IL1RAPL1: variants seen among roughly 807,000 people sequenced by gnomAD.
The protein encoded by IL1RAPL1 is interleukin-1 receptor accessory protein-like 1.
In IL1RAPL1, 3 loss-of-function variants were observed where a neutral mutation model predicts 48.4. The ratio of observed to expected loss-of-function variants is 0.06; its 90% CI spans 0.03 to 0.16. IL1RAPL1 has a LOEUF of 0.16. IL1RAPL1 is among the 10% of genes least tolerant of loss of function. IL1RAPL1 has a pLI of 1.00. For missense variants in IL1RAPL1, 349 were observed against 530.6 expected, an observed-to-expected ratio of 0.66 and a Z score of 3.36; for synonymous variants, 185 against 187.7, an observed-to-expected ratio of 0.99 and a Z score of 0.12.
intron 6 of IL1RAPL1, among the ~76,000 whole-genome samples, chrX:29,733,262 C>G (rs1488828467): frequency 8.9e-6 from 1 of 112,101 alleles, no homozygotes; most frequent in African/African-American, 3.2e-5. Flanking sequence ...TCTTCTTGGA[C>G]TTTTTTCCCT....
intron 2 of IL1RAPL1, among the ~76,000 whole-genome samples, chrX:28,985,825 A>C (rs1254731385): frequency 9.2e-6 from 1 of 108,669 alleles, no homozygotes; most frequent in Admixed American, 9.7e-5. Context: ...TCGCCCGGCT[A>C]ATTTTTTGTA....
At chrX:29,350,280 C>G (rs377266869) in intron 3 of IL1RAPL1, among the ~76,000 whole-genome samples, 2 of 88,065 alleles carry the variant, frequency 2.3e-5, no homozygotes, top group African/African-American at 4.7e-5. Flanking sequence ...CTCATAGACA[C>G]ACTGCCACCA....
rs193124751 is a variant in IL1RAPL1 at position 29,051,229 on chromosome X, G to A, written c.83-231709G>A. Among the ~76,000 whole-genome samples, 30 of 111,090 alleles carry A rather than the reference G, an allele frequency of 2.7e-4. No homozygotes were observed. The East Asian group carries it at 5.4e-3, about 20-fold the overall frequency. On this transcript the variant is annotated intron_variant, in intron 2 of 10. Transcript: ENST00000378993. ...CTTTGCCTGAAGTAAGAATATTGAG[G>A]GAAAATAAAAGCGTTATGAGATGTG... is the stretch of plus-strand genomic sequence containing the variant.
At chrX:29,436,275 A>G (rs965671038) in intron 5 of IL1RAPL1, among the ~76,000 whole-genome samples, 1 of 110,071 alleles carries the variant, frequency 9.1e-6, no homozygotes, top group Admixed American at 9.7e-5. Flanking sequence ...TATTATAGTA[A>G]TTTTCATCAC....
intron 2 of IL1RAPL1, among the ~76,000 whole-genome samples, chrX:28,944,420 G>T (rs949389306): frequency 9.0e-6 from 1 of 110,890 alleles, no homozygotes; most frequent in Admixed American, 9.7e-5. Flanking sequence ...TATCCACTGG[G>T]TATGCAGTTG....
intron 3 of IL1RAPL1, among the ~76,000 whole-genome samples, chrX:29,312,863 C>A (rs4893612): frequency 5.7e-4 from 62 of 109,491 alleles, no homozygotes; most frequent in African/African-American, 2.1e-3. Context: ...CACGAGATCT[C>A]ATGGTTTCAT....
chrX:28,984,497 C>T (rs542594518), intron 2 of IL1RAPL1, among the ~76,000 whole-genome samples: 64 of 111,992 alleles, frequency 5.7e-4, no homozygotes, highest in Middle Eastern at 9.3e-3. Context: ...GTTTTGCAAG[C>T]GTGTCAAAAT....
chrX:28,588,199 T>G (rs955121487), intron 1 of IL1RAPL1, among the ~76,000 whole-genome samples, 152 bp downstream of exon 1: 1 of 55,528 alleles, frequency 1.8e-5, no homozygotes, highest in Non-Finnish European at 3.2e-5. Flanking sequence ...CAGTTGGGTG[T>G]GTTGATATGT....
At chrX:29,450,223 A>G (rs1462062584) in intron 5 of IL1RAPL1, among the ~76,000 whole-genome samples, 2 of 112,196 alleles carry the variant, frequency 1.8e-5, no homozygotes, top group Non-Finnish European at 3.8e-5. Flanking sequence ...TATAATTTAT[A>G]TTTGAATACA....
chrX:28,827,527 C>T (rs1280282866), intron 2 of IL1RAPL1, among the ~76,000 whole-genome samples: 7 of 111,260 alleles, frequency 6.3e-5, no homozygotes, highest in Middle Eastern at 4.3e-3. Context: ...AAAAAGAACC[C>T]CCAATTGTCT....
At chrX:29,124,642 C>G (rs1259332838) in intron 2 of IL1RAPL1, among the ~76,000 whole-genome samples, 1 of 111,824 alleles carries the variant, frequency 8.9e-6, no homozygotes, top group African/African-American at 3.3e-5. Flanking sequence ...AATTGTTAGT[C>G]TTATAAAATG....
In IL1RAPL1 at chrX:29,886,850, T is replaced by C. The variant is rs763398001; in HGVS notation, c.779-30614T>C. Among the ~76,000 whole-genome samples the C allele has an allele frequency of 3.6e-5, 4 of 112,163 alleles. No homozygotes were observed. In the South Asian group the frequency reaches 1.5e-3, roughly 41 times the overall value. ...TTGCAGAAGCCTATCATACAAAATA[T>C]AAACCATGAAATAAAATTTTTATGA... On this transcript the variant is annotated intron_variant, in intron 6 of 10. Transcript: ENST00000378993.
chrX:28,842,326 C>A (rs1240941780), intron 2 of IL1RAPL1, among the ~76,000 whole-genome samples: 1 of 110,649 alleles, frequency 9.0e-6, no homozygotes, highest in Non-Finnish European at 1.9e-5. Context: ...AAAATAACTT[C>A]TATTACTTGT....
chrX:29,611,536 T>C (rs918307556), intron 5 of IL1RAPL1, among the ~76,000 whole-genome samples: 2 of 112,043 alleles, frequency 1.8e-5, no homozygotes, highest in African/African-American at 6.5e-5. Flanking sequence ...CCTGACCACC[T>C]TGGGCACATG....
At chrX:28,787,545 C>A (rs1010378597) in intron 1 of IL1RAPL1, among the ~76,000 whole-genome samples, 2 of 111,474 alleles carry the variant, frequency 1.8e-5, no homozygotes, top group African/African-American at 6.5e-5. Context: ...ATTGTCATCC[C>A]TTAAAGGTGC....
chrX:29,070,111 A>C (rs1320481444), intron 2 of IL1RAPL1, among the ~76,000 whole-genome samples: 2 of 111,939 alleles, frequency 1.8e-5, no homozygotes, highest in African/African-American at 6.5e-5. Context: ...ATATCAAGGA[A>C]ATTTTTAAAA....
chrX:29,703,017 A>G (rs1274846507), intron 6 of IL1RAPL1, among the ~76,000 whole-genome samples: 1 of 112,343 alleles, frequency 8.9e-6, no homozygotes, highest in Non-Finnish European at 1.9e-5. Context: ...AGAGAAAATC[A>G]TCTTAGCATC....
chrX:29,834,492 A>ATTTTTTTTTTTTTTTTTTTTTTTTTTTT (rs34399580), intron 6 of IL1RAPL1, among the ~76,000 whole-genome samples: 1 of 72,797 alleles, frequency 1.4e-5, no homozygotes. Context: ...AAGAAAAAGG[A>ATTTTTTTTTTTTTTTTTTTTTTTTTTTT]TTTTTTTTTT....
intron 5 of IL1RAPL1, among the ~76,000 whole-genome samples, chrX:29,590,418 T>C (rs1366891648): frequency 9.0e-6 from 1 of 111,673 alleles, no homozygotes; most frequent in Non-Finnish European, 1.9e-5. Flanking sequence ...ATTTGGGTAG[T>C]CTCATGCCTT....
Sources: allele counts gnomAD v4.1 joint callset (sites outside exome capture counted in the v4.1 genomes callset), GRCh38; gene constraint gnomAD v4.1.1; transcripts MANE v1.5; gene names NCBI Gene and HGNC (gene_info 2026-07-23, HGNC 2026-07-21).